Variants in ZMIZ1 observed in about 807,000 individuals in gnomAD.
ZMIZ1 encodes zinc finger MIZ domain-containing protein 1.
A neutral mutation model predicts 113.9 loss-of-function variants in ZMIZ1; 17 were observed. The ratio of observed to expected loss-of-function variants is 0.15; its 90% CI spans 0.10 to 0.22. The LOEUF is 0.22. ZMIZ1 is among the 10% of genes least tolerant of loss of function. ZMIZ1 has a pLI of 1.00. For synonymous variants in ZMIZ1, 607 were observed against 603.1 expected, an observed-to-expected ratio of 1.01 and a Z score of -0.09; for missense variants, 1,059 against 1,477.8, an observed-to-expected ratio of 0.72 and a Z score of 4.65.
intron 12 of ZMIZ1, 138 bp downstream of exon 12, chr10:79,293,791 AGGTGCT>A (rs1433727074): frequency 7.4e-7 from 1 of 1,349,576 alleles, no homozygotes; most frequent in Non-Finnish European, 1.0e-6. Flanking sequence ...CTTAGGGGTC[AGGTGCT>A]CCTGGGTTTG....
At chr10:79,299,338 C>T in intron 16 of ZMIZ1, 147 bp downstream of exon 16, 2 of 1,236,384 alleles carry the variant, frequency 1.6e-6, no homozygotes, top group Non-Finnish European at 2.2e-6. Context: ...TGGGCCCTGT[C>T]CTGCGGTTGT....
At chr10:79,093,296 TA>T (rs1361910006) in intron 1 of ZMIZ1, among the ~76,000 whole-genome samples, 2 of 40,172 alleles carry the variant, frequency 5.0e-5, no homozygotes, top group African/African-American at 1.7e-4. Context: ...TTATTTTATT[TA>T]TTTATTTATT....
chr10:79,223,220 A>C (rs868820294), intron 7 of ZMIZ1, among the ~76,000 whole-genome samples: 1 of 152,238 alleles, frequency 6.6e-6, no homozygotes, highest in Non-Finnish European at 1.5e-5. Flanking sequence ...CTCTGCGTGA[A>C]AAACAGCTCG....
chr10:79,278,784 G>A (rs1356664957), intron 8 of ZMIZ1, among the ~76,000 whole-genome samples: 1 of 152,002 alleles, frequency 6.6e-6, no homozygotes, highest in African/African-American at 2.4e-5. Flanking sequence ...GCATCCCAAG[G>A]CAGAAGAATT....
intron 1 of ZMIZ1, among the ~76,000 whole-genome samples, chr10:79,085,793 T>C (rs937034996): frequency 1.3e-5 from 2 of 152,216 alleles, no homozygotes; most frequent in African/African-American, 4.8e-5. Context: ...TCTCCCTCTG[T>C]TTCTGAGCTG....
At position 79,155,784 on chromosome 10, in the gene ZMIZ1, C is replaced by A. The variant is rs115068772; in HGVS notation, c.-130-6269C>A. On this transcript the variant is annotated intron_variant, in intron 3 of 24. Coordinates refer to ENST00000334512, the MANE Select transcript of ZMIZ1 (RefSeq NM_020338.4). ...GCGCCCTGCTCACTGATGCCCTCTG[C>A]AGCTCTCTCTTCAGCCCAAAGCTCT... Among the ~76,000 whole-genome samples the A allele has an allele frequency of 4.2e-3, 634 of 152,360 alleles. 8 individuals are homozygous for A. Among genetic ancestry groups the A allele is most frequent in the African/African-American group, 0.015 (609 of 41,584 alleles).
chr10:79,140,969 A>G (rs1281435304), intron 3 of ZMIZ1, among the ~76,000 whole-genome samples: 1 of 151,890 alleles, frequency 6.6e-6, no homozygotes, highest in Admixed American at 6.6e-5. Flanking sequence ...TTTTGTGGAG[A>G]CGGGGTCTCA....
At chr10:79,199,890 A>G (rs186170572) in intron 4 of ZMIZ1, among the ~76,000 whole-genome samples, 2 of 152,346 alleles carry the variant, frequency 1.3e-5, no homozygotes, top group East Asian at 3.9e-4. Context: ...ACTTTCTTCC[A>G]AAGGCTGGGG....
chr10:79,070,427 C>T (rs930991548), intron 1 of ZMIZ1, among the ~76,000 whole-genome samples: 1 of 151,936 alleles, frequency 6.6e-6, no homozygotes, highest in Admixed American at 6.5e-5. Context: ...CCCGGAGCCG[C>T]CGGAGAAGGC....
In ZMIZ1 at chr10:79,292,360, AG is replaced by A; in HGVS notation, c.957+7del. ...GGATATAAACCAGTATGGACCGGTAAGGGTTCCCACTAATCCTGGTCCAGCC... is the reference window on the plus strand; with the variant it reads ...GGATATAAACCAGTATGGACCGGTAAGGTTCCCACTAATCCTGGTCCAGCC... On this transcript the variant is annotated splice_donor_5th_base_variant and intron_variant, in intron 11 of 24. Coordinates refer to ENST00000334512, the MANE Select transcript of ZMIZ1 (RefSeq NM_020338.4). 1 of 1,602,892 alleles carries A rather than the reference AG, an allele frequency of 6.2e-7. No homozygotes were observed. The highest frequency in any genetic ancestry group is 8.5e-7 in the Non-Finnish European group (1 of 1,171,472).
In ZMIZ1 at chr10:79,263,054, C is replaced by T. The variant is rs58361088; in HGVS notation, c.281-14127C>T. Among the ~76,000 whole-genome samples, 342 of 152,356 alleles carry T rather than the reference C, an allele frequency of 2.2e-3. 5 individuals are homozygous for T. The highest frequency in any genetic ancestry group is 7.8e-3 in the African/African-American group (325 of 41,592). On this transcript the variant is annotated intron_variant, in intron 7 of 24. Coordinates refer to ENST00000334512, the MANE Select transcript of ZMIZ1 (RefSeq NM_020338.4). ...GAAAACCCTACAACAGGTTTTGGGT[C>T]GAGAACCCATCTGAAGGTTGTCATC...
chr10:79,102,130 TC>T (rs1301559889), intron 1 of ZMIZ1, among the ~76,000 whole-genome samples: 1 of 152,196 alleles, frequency 6.6e-6, no homozygotes, highest in Non-Finnish European at 1.5e-5. Flanking sequence ...GTTCAGCTTT[TC>T]CTCACCTCCC....
chr10:79,251,956 C>T lies in ZMIZ1; in HGVS notation c.281-25225C>T, dbSNP rs114820080. ...GGGTCCTTAGTGGCTTCTAGGAGGCCACTCGGGCAATGGGTCTCCCAGGAG... is the reference window on the plus strand; with the variant it reads ...GGGTCCTTAGTGGCTTCTAGGAGGCTACTCGGGCAATGGGTCTCCCAGGAG... On this transcript the variant is annotated intron_variant, in intron 7 of 24. Coordinates refer to ENST00000334512, the MANE Select transcript of ZMIZ1 (RefSeq NM_020338.4). Among the ~76,000 whole-genome samples, 207 of 152,276 alleles carry T rather than the reference C, an allele frequency of 1.4e-3. 1 individual carries two copies. The highest frequency in any genetic ancestry group is 4.8e-3 in the African/African-American group (198 of 41,552).
At chr10:79,202,189 G>GGAAAAAA (rs1564716548) in intron 5 of ZMIZ1, among the ~76,000 whole-genome samples, 7 of 52,630 alleles carry the variant, frequency 1.3e-4, no homozygotes, top group East Asian at 6.1e-4. Context: ...CCCTGTCTCA[G>GGAAAAAA]AAAAAAAAAA....
chr10:79,194,312 T>C (rs1344874243), intron 4 of ZMIZ1, among the ~76,000 whole-genome samples: 1 of 152,274 alleles, frequency 6.6e-6, no homozygotes, highest in African/African-American at 2.4e-5. Context: ...CACATGTGTA[T>C]GTGCCTATGC....
chr10:79,091,800 C>G (rs1334147389), intron 1 of ZMIZ1, among the ~76,000 whole-genome samples: 1 of 152,058 alleles, frequency 6.6e-6, no homozygotes, highest in Non-Finnish European at 1.5e-5. Flanking sequence ...GCTGGGACCC[C>G]AGAAGGAAGC....
intron 7 of ZMIZ1, among the ~76,000 whole-genome samples, chr10:79,256,723 C>A (rs1466246965): frequency 6.6e-6 from 1 of 152,218 alleles, no homozygotes; most frequent in Non-Finnish European, 1.5e-5. Flanking sequence ...GATTTCTCTC[C>A]AGGGTCAGGC....
chr10:79,157,766 C>G (rs1359977727), intron 3 of ZMIZ1, among the ~76,000 whole-genome samples: 3 of 152,192 alleles, frequency 2.0e-5, no homozygotes, highest in Non-Finnish European at 2.9e-5. Context: ...TTTGGATAAC[C>G]ATGGGGTAAA....
chr10:79,095,663 A>G (rs1843144102), intron 1 of ZMIZ1, among the ~76,000 whole-genome samples: 1 of 152,220 alleles, frequency 6.6e-6, no homozygotes. Flanking sequence ...AACAAAGGCT[A>G]CCGTGAGGAG....
Sources: allele counts gnomAD v4.1 joint callset (sites outside exome capture counted in the v4.1 genomes callset), GRCh38; gene constraint gnomAD v4.1.1; transcripts MANE v1.5; gene names NCBI Gene and HGNC (gene_info 2026-07-23, HGNC 2026-07-21).